Variants in CCDC102B observed in about 807,000 individuals in gnomAD.
CCDC102B encodes coiled-coil domain-containing protein 102B.
In CCDC102B, 75 loss-of-function variants were observed where a neutral mutation model predicts 57.4. That is an observed-to-expected ratio of 1.31 (90% confidence interval 1.08 to 1.58). CCDC102B has a LOEUF of 1.58. CCDC102B is among the 40% of genes most tolerant of loss of function. The pLI, the probability that CCDC102B is intolerant of heterozygous loss-of-function variation, is 0.00. For synonymous variants in CCDC102B, 206 were observed against 201.9 expected, an observed-to-expected ratio of 1.02 and a Z score of -0.17; for missense variants, 636 against 582.6, an observed-to-expected ratio of 1.09 and a Z score of -0.94.
At chr18:68,869,480 G>A (rs928663825) in intron 4 of CCDC102B, among the ~76,000 whole-genome samples, 1 of 152,220 alleles carries the variant, frequency 6.6e-6, no homozygotes, top group Non-Finnish European at 1.5e-5. Context: ...GCAGAAGCGA[G>A]TGAGAAGGGT....
intron 2 of CCDC102B, among the ~76,000 whole-genome samples, chr18:68,747,889 G>T (rs529720723): frequency 3.9e-5 from 6 of 152,252 alleles, no homozygotes; most frequent in Admixed American, 1.3e-4. Context: ...CCAGCAATGG[G>T]ATTGCTGAAT....
chr18:68,789,080 C>T (rs1051962455), intron 2 of CCDC102B, among the ~76,000 whole-genome samples: 14 of 152,226 alleles, frequency 9.2e-5, no homozygotes, highest in African/African-American at 2.6e-4. Context: ...ATTTCTCCTT[C>T]GCTTATGAAG....
intron 1 of CCDC102B, among the ~76,000 whole-genome samples, chr18:68,814,595 C>G (rs1022965570): frequency 1.3e-5 from 2 of 152,150 alleles, no homozygotes; most frequent in African/African-American, 2.4e-5. Context: ...GCAATTTTCT[C>G]TATTTAAACC....
chr18:69,005,637 G>A (rs187572271), intron 6 of CCDC102B, among the ~76,000 whole-genome samples: 219 of 151,790 alleles, frequency 1.4e-3, no homozygotes, highest in Non-Finnish European at 1.8e-3. Flanking sequence ...AGTAGTTGAT[G>A]TATCATATTA....
chr18:68,842,614 A>G (rs6566391), intron 3 of CCDC102B, among the ~76,000 whole-genome samples: 77,995 of 151,832 alleles, frequency 0.51, 20,406 homozygotes, highest in African/African-American at 0.57. Flanking sequence ...ATCCATACCT[A>G]AGCGAGAAGC....
At chr18:69,048,949 A>G (rs1417155146) in intron 7 of CCDC102B, among the ~76,000 whole-genome samples, 1 of 151,358 alleles carries the variant, frequency 6.6e-6, no homozygotes, top group Admixed American at 6.6e-5. Flanking sequence ...ATTGAATTAT[A>G]TTTTTCATTG....
In CCDC102B at chr18:68,838,425, CAG is replaced by C. The variant is rs1053695681; in HGVS notation, c.607-278_607-277del. On this transcript the variant is annotated intron_variant, in intron 2 of 7. Transcript: ENST00000360242. ...TTATTTACAGCTGTTCAAGTTTGTG[CAG>C]AGTTATTTTTAGCTGCGATTAGAAA... 2.4e-5 allele frequency: 24 copies of C among 985,190 alleles called. No homozygotes were observed. In the African/African-American group the frequency reaches 2.6e-4, roughly 11 times the overall value. 61.0% of individuals were successfully genotyped at this position (985,190 alleles called of 1,614,324 possible).
At position 69,047,145 on chromosome 18, in the gene CCDC102B, A is replaced by G. The variant is rs546904980; in HGVS notation, c.1435-6885A>G. Among the ~76,000 whole-genome samples, 16 of 152,268 alleles carry G rather than the reference A, an allele frequency of 1.1e-4. 1 individual carries two copies. The South Asian group carries it at 3.3e-3, about 32-fold the overall frequency. On this transcript the variant is annotated intron_variant, in intron 7 of 7. Coordinates refer to ENST00000360242, the MANE Select transcript of CCDC102B (RefSeq NM_024781.3). ...AGGCCAATATGCTCAGTGAACATAGATGCAAAAAGTCCTCAACAAAATACT... is the reference window on the plus strand; with the variant it reads ...AGGCCAATATGCTCAGTGAACATAGGTGCAAAAAGTCCTCAACAAAATACT...
At chr18:68,829,333 T>G (rs2037049610) in intron 1 of CCDC102B, among the ~76,000 whole-genome samples, 1 of 152,004 alleles carries the variant, frequency 6.6e-6, no homozygotes, top group South Asian at 2.1e-4. Context: ...GTATAGCTCA[T>G]GAAAGTCTTA....
In CCDC102B at chr18:68,938,992, G is replaced by T. The variant is rs1431701620; in HGVS notation, c.1263+41564G>T. On this transcript the variant is annotated intron_variant, in intron 6 of 7. Transcript: ENST00000360242. ...ATTTTACAGAAAATCTTTTGAAATAGATAACCAATATTTTAAAAACAATAG... is the reference window on the plus strand; with the variant it reads ...ATTTTACAGAAAATCTTTTGAAATATATAACCAATATTTTAAAAACAATAG... Among the ~76,000 whole-genome samples, 5 of 151,736 alleles carry T rather than the reference G, an allele frequency of 3.3e-5. No individual in the cohort carries two copies. In the South Asian group the frequency reaches 1.0e-3, roughly 31 times the overall value.
At position 69,028,886 on chromosome 18, in the gene CCDC102B, A is replaced by T. The variant is rs183540765; in HGVS notation, c.1434+17782A>T. ...TCCTTCATGTGTACAGCTCTTTTTT[A>T]AAAAAAAAACTAGAATTTCCTTTCT... On this transcript the variant is annotated intron_variant, in intron 7 of 7. Coordinates refer to ENST00000360242, the MANE Select transcript of CCDC102B (RefSeq NM_024781.3). Among the ~76,000 whole-genome samples the T allele has an allele frequency of 2.5e-3, 371 of 146,450 alleles. 3 individuals are homozygous for T. Among genetic ancestry groups the T allele is most frequent in the South Asian group, 0.015 (67 of 4,416 alleles).
At chr18:68,866,836 T>C in intron 4 of CCDC102B, 1 of 694,646 alleles carries the variant, frequency 1.4e-6, no homozygotes, top group Non-Finnish European at 2.7e-6. Flanking sequence ...GAAGTCCCTG[T>C]GTCTGGGGCC....
intron 2 of CCDC102B, among the ~76,000 whole-genome samples, chr18:68,741,395 C>T (rs1014287157): frequency 6.6e-6 from 1 of 152,108 alleles, no homozygotes; most frequent in Middle Eastern, 3.2e-3. Flanking sequence ...TTCCTCCTCA[C>T]AAGAAAAGTT....
intron 2 of CCDC102B, among the ~76,000 whole-genome samples, chr18:68,734,535 G>T (rs1164874814): frequency 6.6e-6 from 1 of 152,168 alleles, no homozygotes; most frequent in African/African-American, 2.4e-5. Context: ...AAATACCAAA[G>T]ATTTTATGTG....
intron 7 of CCDC102B, among the ~76,000 whole-genome samples, chr18:69,018,831 T>A (rs2051745317): frequency 6.6e-6 from 1 of 152,102 alleles, no homozygotes; most frequent in Admixed American, 6.5e-5. Flanking sequence ...TTCAAAAATT[T>A]ATTACCAAGA....
At chr18:69,009,123 AT>A (rs1208771510) in intron 6 of CCDC102B, among the ~76,000 whole-genome samples, 1 of 152,212 alleles carries the variant, frequency 6.6e-6, no homozygotes, top group Admixed American at 6.5e-5. Flanking sequence ...AATTAAAAAA[AT>A]ATTGCCAGTG....
At chr18:68,963,514 C>T (rs1466347868) in intron 6 of CCDC102B, among the ~76,000 whole-genome samples, 1 of 151,626 alleles carries the variant, frequency 6.6e-6, no homozygotes, top group Non-Finnish European at 1.5e-5. Context: ...CTTTTATTAC[C>T]CCGTGTTAAT....
At chr18:68,736,557 T>A (rs932799572) in intron 2 of CCDC102B, among the ~76,000 whole-genome samples, 2 of 150,416 alleles carry the variant, frequency 1.3e-5, no homozygotes, top group Non-Finnish European at 2.9e-5. Flanking sequence ...TATAATTTTT[T>A]AATGTAATAG....
intron 6 of CCDC102B, among the ~76,000 whole-genome samples, chr18:68,991,084 C>T (rs1029155464): frequency 6.1e-5 from 9 of 147,340 alleles, no homozygotes; most frequent in African/African-American, 2.2e-4. Flanking sequence ...ATTTGTCTTT[C>T]TAACCACTTC....
Sources: gnomAD v4.1 joint callset for allele counts (sites outside exome capture counted in the v4.1 genomes callset) on GRCh38, gnomAD v4.1.1 for gene constraint, MANE v1.5 for transcripts, NCBI Gene and HGNC (gene_info 2026-07-23, HGNC 2026-07-21) for gene names.